STX8: variants seen among roughly 807,000 people sequenced by gnomAD.
STX8 encodes the protein syntaxin-8.
A neutral mutation model predicts 37.5 loss-of-function variants in STX8; 23 were observed. The observed-to-expected ratio is 0.61, with a 90% CI of 0.44 to 0.87. The LOEUF (loss-of-function observed/expected upper bound fraction) is 0.87, where lower values mean the gene tolerates loss of function less well. Ranked by LOEUF, STX8 falls within the 40% of genes least tolerant of loss-of-function variation. The pLI, the probability that STX8 is intolerant of heterozygous loss-of-function variation, is 0.00. For missense variants in STX8, 313 were observed against 284.7 expected (o/e 1.10, Z -0.71); for synonymous variants, 115 against 99.1 (o/e 1.16, Z -0.95).
intron 2 of STX8, among the ~76,000 whole-genome samples, chr17:9,567,608 A>G (rs1197892161): frequency 1.3e-5 from 2 of 152,224 alleles, no homozygotes; most frequent in Non-Finnish European, 2.9e-5. Context: ...ACAAGTATAA[A>G]CTTGTGATTT....
At chr17:9,281,159 C>G (rs546649812) in intron 7 of STX8, among the ~76,000 whole-genome samples, 1 of 152,208 alleles carries the variant, frequency 6.6e-6, no homozygotes, top group Admixed American at 6.5e-5. Flanking sequence ...GGGGGCAGAA[C>G]TGGAACAGGA....
At chr17:9,322,490 C>G (rs1308248876) in intron 7 of STX8, among the ~76,000 whole-genome samples, 3 of 152,202 alleles carry the variant, frequency 2.0e-5, no homozygotes, top group Non-Finnish European at 4.4e-5. Flanking sequence ...GCAGGGGACG[C>G]TGAGCACTTC....
chr17:9,488,923 C>G (rs1383654824), intron 6 of STX8, among the ~76,000 whole-genome samples: 7 of 152,074 alleles, frequency 4.6e-5, no homozygotes, highest in Non-Finnish European at 8.8e-5. Flanking sequence ...GTCACCCAAG[C>G]TGGAGTGCAG....
chr17:9,402,151 C>G (rs940321230), intron 6 of STX8, among the ~76,000 whole-genome samples: 1 of 151,704 alleles, frequency 6.6e-6, no homozygotes, highest in African/African-American at 2.4e-5. Flanking sequence ...CAGCGTTTTG[C>G]TCTTGTTCCC....
At chr17:9,392,235 C>T (rs79650768) in intron 6 of STX8, among the ~76,000 whole-genome samples, 3,802 of 152,132 alleles carry the variant, frequency 0.025, 173 homozygotes, top group African/African-American at 0.087. Context: ...TATGAACATC[C>T]GGAAAATTTC....
At chr17:9,491,759 T>G in intron 6 of STX8, 70 bp downstream of exon 6, 3 of 1,336,292 alleles carry the variant, frequency 2.2e-6, no homozygotes. Context: ...CTTAAACTCA[T>G]TCAACAAATG....
chr17:9,484,297 G>T (rs1906480820), intron 6 of STX8, among the ~76,000 whole-genome samples: 1 of 151,414 alleles, frequency 6.6e-6, no homozygotes, highest in South Asian at 2.1e-4. Flanking sequence ...GTCAGTGACG[G>T]ATGCTATGAC....
chr17:9,533,250 CGGAGTTCA>C (rs1376767195), intron 4 of STX8, among the ~76,000 whole-genome samples: 2 of 152,080 alleles, frequency 1.3e-5, no homozygotes, highest in African/African-American at 2.4e-5. Flanking sequence ...GGTGGATCAC[CGGAGTTCA>C]GGAGTTCAAG....
intron 6 of STX8, among the ~76,000 whole-genome samples, chr17:9,406,828 T>C (rs1912819165): frequency 6.6e-6 from 1 of 152,132 alleles, no homozygotes; most frequent in African/African-American, 2.4e-5. Flanking sequence ...AAGATCCATG[T>C]ATAAGTGGAG....
intron 3 of STX8, chr17:9,555,259 T>G (rs1906918872): frequency 6.6e-6 from 1 of 152,182 alleles, no homozygotes; most frequent in Admixed American, 6.5e-5. Flanking sequence ...TTTCAACAGA[T>G]GGTCAGACTG....
rs11869862 is a variant in STX8, at chr17:9,320,859, C to G, written c.643+57693G>C. Among the ~76,000 whole-genome samples the G allele has an allele frequency of 8.2e-3, 1,225 of 150,290 alleles. 21 individuals carry two copies. Among genetic ancestry groups the G allele is most frequent in the African/African-American group, 0.029 (1,162 of 40,744 alleles). ...GAGGTTGCAGTGAGCCAAGATCATG[C>G]CACTGCACTCCAGCCTGGGACAGAG... On this transcript the variant is annotated intron_variant, in intron 7 of 7. Transcript: ENST00000306357.
At chr17:9,266,687 T>C (rs533273842) in intron 7 of STX8, among the ~76,000 whole-genome samples, 392 of 152,208 alleles carry the variant, frequency 2.6e-3, no homozygotes, top group Non-Finnish European at 4.2e-3. Flanking sequence ...GGAGGCTACT[T>C]TGGCCCCCAA....
At chr17:9,356,784 G>A (rs1245036828) in intron 7 of STX8, among the ~76,000 whole-genome samples, 1 of 152,094 alleles carries the variant, frequency 6.6e-6, no homozygotes, top group Admixed American at 6.6e-5. Context: ...CAGCCCAGGG[G>A]CCAGGTCCTA....
At chr17:9,488,331 A>AAAAG (rs1160681945) in intron 6 of STX8, among the ~76,000 whole-genome samples, 1 of 151,724 alleles carries the variant, frequency 6.6e-6, no homozygotes, top group African/African-American at 2.4e-5. Flanking sequence ...TGTCTTAAAA[A>AAAAG]AAAAAAAATT....
At chr17:9,524,056 T>C (rs1247891113) in intron 4 of STX8, among the ~76,000 whole-genome samples, 2 of 152,246 alleles carry the variant, frequency 1.3e-5, no homozygotes, top group African/African-American at 4.8e-5. Flanking sequence ...TTTTCAATTC[T>C]GGCATCTTTT....
At chr17:9,557,381 C>G (rs549078047) in intron 3 of STX8, 53 bp downstream of exon 3, 1 of 1,496,090 alleles carries the variant, frequency 6.7e-7, no homozygotes, top group South Asian at 1.1e-5. Flanking sequence ...TCTTAAAATA[C>G]GACTGCTTTT....
In STX8 at chr17:9,411,742, G is replaced by A. The variant is rs145822168; in HGVS notation, c.542-33089C>T. On this transcript the variant is annotated intron_variant, in intron 6 of 7. Transcript: ENST00000306357. ...AAGCCAATAATCTGCAAACTTGGGT[G>A]TACAAGATGATTCACTGGAATGTGG... 7.2e-5 allele frequency among the ~76,000 whole-genome samples: 11 copies of A among 152,304 alleles called. No individual in the cohort carries two copies. The East Asian group carries it at 2.1e-3, about 29-fold the overall frequency.
At chr17:9,420,900 A>G (rs1269514284) in intron 6 of STX8, among the ~76,000 whole-genome samples, 1 of 152,212 alleles carries the variant, frequency 6.6e-6, no homozygotes, top group Non-Finnish European at 1.5e-5. Context: ...ATTTACGTGC[A>G]TGTGCCTTTA....
At chr17:9,266,511 G>A (rs1907237229) in intron 7 of STX8, among the ~76,000 whole-genome samples, 1 of 152,170 alleles carries the variant, frequency 6.6e-6, no homozygotes, top group South Asian at 2.1e-4. Flanking sequence ...ACCAGCTGGT[G>A]GCTGAAATCA....
Sources: gnomAD v4.1 joint callset for allele counts (sites outside exome capture counted in the v4.1 genomes callset) on GRCh38, gnomAD v4.1.1 for gene constraint, MANE v1.5 for transcripts, NCBI Gene and HGNC (gene_info 2026-07-23, HGNC 2026-07-21) for gene names.